The following COL20A1 variants were observed in gnomAD, a reference collection of about 807,000 sequenced individuals.
COL20A1 encodes collagen alpha-1(XX) chain.
Under a neutral mutation model 152.9 loss-of-function variants are expected in COL20A1, and 164 were observed. The observed-to-expected ratio is 1.07, with a 90% CI of 0.94 to 1.22. The LOEUF (loss-of-function observed/expected upper bound fraction) is 1.22, where lower values mean the gene tolerates loss of function less well. COL20A1 is among the 50% of genes most tolerant of loss of function. The pLI is 0.00. For missense variants in COL20A1, 1,873 were observed against 1,744.8 expected (o/e 1.07, Z -1.31); for synonymous variants, 864 against 756.0 (o/e 1.14, Z -2.34).
chr20:63,310,554 C>T (rs769025995), intron 11 of COL20A1, 44 bp downstream of exon 11: 18 of 1,537,706 alleles, frequency 1.2e-5, no homozygotes, highest in Non-Finnish European at 1.6e-5. Flanking sequence ...GTGGGAGGCC[C>T]CACTCACGGC....
At chr20:63,321,623 C>G (rs77972714) in intron 26 of COL20A1, among the ~76,000 whole-genome samples, 4,173 of 152,314 alleles carry the variant, frequency 0.027, 201 homozygotes, top group African/African-American at 0.095. Flanking sequence ...GCCCTCTACC[C>G]AGGCCTCAGG....
intron 27 of COL20A1, 188 bp from the exon 28 acceptor site, chr20:63,325,253 C>G: frequency 1.4e-6 from 1 of 706,390 alleles, no homozygotes; most frequent in Non-Finnish European, 2.6e-6. Flanking sequence ...GCCCTACCCG[C>G]TGCCTGTGTC....
At chr20:63,326,867 A>C (rs1173954730) in intron 31 of COL20A1, 44 bp downstream of exon 31, 8 of 1,383,192 alleles carry the variant, frequency 5.8e-6, no homozygotes, top group Non-Finnish European at 7.7e-6. Context: ...AAGGTGGGGG[A>C]GCGAAGGGTG....
At chr20:63,325,225 C>T (rs756331071) in intron 27 of COL20A1, 2 of 689,540 alleles carry the variant, frequency 2.9e-6, no homozygotes, top group South Asian at 1.5e-5. Context: ...GGAGGGGTGG[C>T]AAGCGTGACC....
intron 3 of COL20A1, among the ~76,000 whole-genome samples, chr20:63,298,735 C>G (rs950192936): frequency 2.0e-5 from 3 of 152,216 alleles, no homozygotes; most frequent in African/African-American, 7.2e-5. Flanking sequence ...GCCTTGAGGA[C>G]ACCTTTTCAG....
At chr20:63,312,107 C>A in intron 14 of COL20A1, 52 bp downstream of exon 14, 1 of 1,499,936 alleles carries the variant, frequency 6.7e-7, no homozygotes, top group African/African-American at 1.4e-5. Context: ...CCACAGGGCC[C>A]TGTCTGGCAG....
In COL20A1 at chr20:63,313,833, G is replaced by T; in HGVS notation, c.2300G>T (p.Arg767Leu). The change falls in exon 18 of 36, where the codon CGC (arginine) becomes CTC (leucine). Residue 767 changes from arginine to leucine, a missense_variant. Transcript: ENST00000358894. The surrounding 1 kb of genome is among the most constrained non-coding windows in gnomAD (Gnocchi z 5.9). ...GTCAGCTGGACGCCCCCGCTTGGCC[G>T]CGTGCTCCATTACTGGCTCACCTAC... is the stretch of plus-strand genomic sequence containing the variant. ...LQVSWTPPLG[R>L]VLHYWLTYAP... is the part of the protein sequence containing the mutation. 3 of 1,611,150 alleles carry T rather than the reference G, an allele frequency of 1.9e-6. No homozygotes were observed. Among genetic ancestry groups the T allele is most frequent in the Non-Finnish European group, 2.5e-6 (3 of 1,179,318 alleles).
chr20:63,321,034 G>C lies in COL20A1; in HGVS notation c.3175G>C (p.Ala1059Pro), dbSNP rs757220884. ...CCAGAGGGATGGAGAGACCTGCCCCGCCTTCGTGTCTGCCTGTTCCTGTTC... is the reference window on the plus strand; with the variant it reads ...CCAGAGGGATGGAGAGACCTGCCCCCCCTTCGTGTCTGCCTGTTCCTGTTC... The part of the protein sequence containing the change: ...PASRDGETCP[A>P]FVSACSCSSE... The change falls in exon 26 of 36, where the codon GCC becomes CCC. Residue 1059 changes from alanine to proline, a missense_variant. Ala to Pro is a conservative substitution (Grantham distance 27). Coordinates refer to ENST00000358894, the MANE Select transcript of COL20A1 (RefSeq NM_020882.4). The C allele has an allele frequency of 6.3e-6, 10 of 1,595,312 alleles. No homozygotes were observed. The highest frequency in any genetic ancestry group is 1.7e-5 in the Admixed American group (1 of 57,940).
In COL20A1 at chr20:63,312,872, C is replaced by A; in HGVS notation, c.2014C>A (p.Pro672Thr). 4 of 1,557,002 alleles carry A rather than the reference C, an allele frequency of 2.6e-6. No individual in the cohort carries two copies. Among genetic ancestry groups the A allele is most frequent in the East Asian group, 2.4e-5 (1 of 41,444 alleles). The change falls in exon 16 of 36, where the codon CCG (proline) becomes ACG (threonine). Residue 672 changes from proline to threonine, a missense_variant. By Grantham distance (38) the Pro-to-Thr change is conservative. Transcript: ENST00000358894. ...AVQLAWVAAA[P>T]SGVLVYQITW... ...CCAGCTGGCGTGGGTGGCCGCAGCC[C>A]CGTCTGGCGTGCTTGTCTACCAGAT...
rs542047250 is a variant in COL20A1 at position 63,299,220 on chromosome 20, G to T, written c.193+1200G>T. Among the ~76,000 whole-genome samples the T allele has an allele frequency of 3.3e-5, 5 of 152,316 alleles. No individual in the cohort carries two copies. The East Asian group carries it at 9.7e-4, about 29-fold the overall frequency. ...GTGAGGGATCCCGCGTGTGTTTCTGGTGTCCGTGCGCCTGTTCTGGGTGTA... is the reference window on the plus strand; with the variant it reads ...GTGAGGGATCCCGCGTGTGTTTCTGTTGTCCGTGCGCCTGTTCTGGGTGTA... On this transcript the variant is annotated intron_variant, in intron 3 of 35. Coordinates refer to ENST00000358894, the MANE Select transcript of COL20A1 (RefSeq NM_020882.4).
chr20:63,310,640 C>T, intron 11 of COL20A1, 130 bp downstream of exon 11: 2 of 1,042,430 alleles, frequency 1.9e-6, no homozygotes, highest in Non-Finnish European at 2.7e-6. Flanking sequence ...TTGGCACCAT[C>T]CCCAGCTTGC....
In COL20A1 at chr20:63,311,528, G is replaced by A. The variant is rs1290900408; in HGVS notation, c.1528G>A (p.Glu510Lys). 9 of 1,594,988 alleles carry A rather than the reference G, an allele frequency of 5.6e-6. No individual in the cohort carries two copies. Among genetic ancestry groups the A allele is most frequent in the Non-Finnish European group, 7.7e-6 (9 of 1,171,706 alleles). The change falls in exon 12 of 36, where the codon GAG becomes AAG. Residue 510 changes from glutamate (E) to lysine (K), a missense_variant. By Grantham distance (56) the Glu-to-Lys change is moderately conservative. Transcript: ENST00000358894. The surrounding 1 kb of genome is among the most constrained non-coding windows in gnomAD (Gnocchi z 4.4). ...CSPASPKGEE[E>K]EREVQVGRPE... ...TCCTGCTTCCCCCAAGGGTGAAGAG[G>A]AGGAGCGAGAGGTGAGCTGGGCCGG... is the stretch of plus-strand genomic sequence containing the variant.
chr20:63,313,945 G>A lies in COL20A1; in HGVS notation c.2358+54G>A, dbSNP rs961392065. ...CCACCTCGTGGGGCCTCCTGGAAGG[G>A]GTATGGCCACACTGTCTGCGAAGGG... is the stretch of plus-strand genomic sequence containing the variant. On this transcript the variant is annotated intron_variant, in intron 18 of 35. Coordinates refer to ENST00000358894, the MANE Select transcript of COL20A1 (RefSeq NM_020882.4). This position sits in a 1 kb window ranked among gnomAD's most constrained non-coding sequence, Gnocchi z 5.9. 1.3e-6 allele frequency: 2 copies of A among 1,588,302 alleles called. No homozygotes were observed. Among genetic ancestry groups the A allele is most frequent in the East Asian group, 4.5e-5 (2 of 44,696 alleles).
At chr20:63,309,536 C>T (rs990036184) in intron 9 of COL20A1, 39 bp downstream of exon 9, 113 of 1,454,096 alleles carry the variant, frequency 7.8e-5, no homozygotes, top group Non-Finnish European at 9.1e-5. Flanking sequence ...GCAGCCCCCC[C>T]GGCTGCTTTG....
rs1164319947 is a variant in COL20A1, at chr20:63,319,248, AGGGAGGCCCCAGAGCCCT to A, written c.2806+57_2806+74del. 6.3e-7 allele frequency: 1 copy of A among 1,580,928 alleles called. No homozygotes were observed. Among genetic ancestry groups the A allele is most frequent in the South Asian group, 1.1e-5 (1 of 87,618 alleles). ...CCCAGCAGTCAGGAGGAGTAGGGGCAGGGAGGCCCCAGAGCCCTGGGAGGCCTTCAGAGGAAGTCCAGC... is the reference window on the plus strand; with the variant it reads ...CCCAGCAGTCAGGAGGAGTAGGGGCAGGGAGGCCTTCAGAGGAAGTCCAGC... On this transcript the variant is annotated intron_variant, in intron 22 of 35. Coordinates refer to ENST00000358894, the MANE Select transcript of COL20A1 (RefSeq NM_020882.4). This position sits in a 1 kb window ranked among gnomAD's most constrained non-coding sequence, Gnocchi z 4.4.
At chr20:63,323,700 G>T (rs2068202808) in intron 27 of COL20A1, among the ~76,000 whole-genome samples, 1 of 152,192 alleles carries the variant, frequency 6.6e-6, no homozygotes, top group East Asian at 1.9e-4. Context: ...GCTCCAGTCT[G>T]TCCCGTTGAT....
chr20:63,330,125 G>GA (rs1361726540), intron 35 of COL20A1, among the ~76,000 whole-genome samples: 2 of 152,070 alleles, frequency 1.3e-5, no homozygotes, highest in African/African-American at 4.8e-5. Context: ...CAGGGTGGGG[G>GA]CCATAGTAGC....
intron 2 of COL20A1, 150 bp downstream of exon 2, chr20:63,295,339 A>G: frequency 6.5e-6 from 4 of 615,278 alleles, no homozygotes; most frequent in Non-Finnish European, 8.7e-6. Context: ...AACAAAGGCA[A>G]GACGGGAGGG....
chr20:63,320,692 CTG>C (rs2068150340), intron 25 of COL20A1, among the ~76,000 whole-genome samples: 6 of 143,504 alleles, frequency 4.2e-5, no homozygotes, highest in African/African-American at 1.3e-4. Context: ...AGTGACTCCT[CTG>C]TATACCCTGT....
Sources: allele counts gnomAD v4.1 joint callset (sites outside exome capture counted in the v4.1 genomes callset), GRCh38; gene constraint gnomAD v4.1.1; non-coding constraint Gnocchi (gnomAD v3.1); transcripts MANE v1.5; gene names NCBI Gene and HGNC (gene_info 2026-07-23, HGNC 2026-07-21).